The following TAX1BP1 variants were observed in gnomAD, a reference collection of about 807,000 sequenced individuals.
The protein encoded by TAX1BP1 is Tax1 binding protein 1.
In TAX1BP1, 62 loss-of-function variants were observed where a neutral mutation model predicts 97.7. That is an observed-to-expected ratio of 0.63 (90% CI 0.52 to 0.78). The LOEUF is 0.78. Ranked by LOEUF, TAX1BP1 falls within the 30% of genes least tolerant of loss-of-function variation. The pLI, the probability that TAX1BP1 is intolerant of heterozygous loss-of-function variation, is 0.00. For synonymous variants in TAX1BP1, 340 were observed against 304.2 expected (o/e 1.12, Z -1.23); for missense variants, 867 against 916.1 (o/e 0.95, Z 0.69).
intron 12 of TAX1BP1, among the ~76,000 whole-genome samples, chr7:27,799,516 T>C (rs752967581): frequency 3.9e-5 from 6 of 152,166 alleles, no homozygotes; most frequent in Non-Finnish European, 5.9e-5. Context: ...TTGTGAAATG[T>C]TGTAGTGTTC....
chr7:27,808,011 T>A lies in TAX1BP1; in HGVS notation c.1764+7921T>A, dbSNP rs550558864. Among the ~76,000 whole-genome samples the A allele has an allele frequency of 2.9e-4, 44 of 152,294 alleles. No individual in the cohort carries two copies. In the East Asian group the frequency reaches 7.9e-3, roughly 27 times the overall value. On this transcript the variant is annotated intron_variant, in intron 13 of 16. Transcript: ENST00000396319. ...TCTTTCATTATTCTTTGAGCACTTA[T>A]TACTTTCTGGTGCAGAAGGATGTTC...
At chr7:27,749,371 C>T (rs73684045) in intron 2 of TAX1BP1, among the ~76,000 whole-genome samples, 3,713 of 152,264 alleles carry the variant, frequency 0.024, 73 homozygotes, top group East Asian at 0.081. Flanking sequence ...AATAATGTCA[C>T]GAATGTCCAA....
intron 5 of TAX1BP1, among the ~76,000 whole-genome samples, chr7:27,784,575 A>G (rs367956510): frequency 1.3e-5 from 2 of 152,260 alleles, no homozygotes; most frequent in African/African-American, 4.8e-5. Flanking sequence ...GTGTCGTGTA[A>G]GACTTGATAT....
intron 5 of TAX1BP1, 145 bp downstream of exon 5, chr7:27,769,979 C>A (rs1366275106): frequency 5.8e-6 from 4 of 692,676 alleles, no homozygotes; most frequent in South Asian, 3.8e-5. Flanking sequence ...AAGAACAGGT[C>A]AGTTCCTATT....
At position 27,788,238 on chromosome 7, in the gene TAX1BP1, C is replaced by T. The variant is rs137865544; in HGVS notation, c.1038+635C>T. Among the ~76,000 whole-genome samples the T allele has an allele frequency of 1.6e-3, 239 of 152,120 alleles. 1 individual carries two copies. Among genetic ancestry groups the T allele is most frequent in the Middle Eastern group, 0.014 (4 of 294 alleles). ...AGAAAAGACATAGATGATGTTTTGT[C>T]CATCCTGTTGGAGTCATATCAAAAG... On this transcript the variant is annotated intron_variant, in intron 8 of 16. Transcript: ENST00000396319.
At chr7:27,740,585 T>C (rs1366302817) in intron 1 of TAX1BP1, among the ~76,000 whole-genome samples, 1 of 152,048 alleles carries the variant, frequency 6.6e-6, no homozygotes, top group Non-Finnish European at 1.5e-5. Context: ...GGGGGCCCTT[T>C]GGCTGGGGAC....
In TAX1BP1 at chr7:27,817,001, G is replaced by T; in HGVS notation, c.2048G>T (p.Ser683Ile). The stretch of plus-strand genomic sequence containing the variant: ...TGCAGCCAGCCTGCTCGAAACTTTA[G>T]TCGGCCTGATGGCTTAGAGGACTCT... The part of the protein sequence containing the change: ...VVCSQPARNF[S>I]RPDGLEDSED... Residue 683 changes from serine (S) to isoleucine (I), a missense_variant, in exon 15 of 17, where the codon AGT (serine) becomes ATT (isoleucine). Ser to Ile is a moderately radical substitution (Grantham distance 142). Coordinates refer to ENST00000396319, the MANE Select transcript of TAX1BP1 (RefSeq NM_006024.7). The T allele has an allele frequency of 6.2e-7, 1 of 1,614,072 alleles. No homozygotes were observed. The highest frequency in any genetic ancestry group is 1.1e-5 in the South Asian group (1 of 91,082).
At chr7:27,791,142 A>T (rs1269111422) in intron 8 of TAX1BP1, among the ~76,000 whole-genome samples, 1 of 151,958 alleles carries the variant, frequency 6.6e-6, no homozygotes, top group African/African-American at 2.4e-5. Flanking sequence ...TTATAGGTAG[A>T]TCTATTAGTG....
At chr7:27,779,602 G>A (rs1056933757) in intron 5 of TAX1BP1, among the ~76,000 whole-genome samples, 3 of 152,076 alleles carry the variant, frequency 2.0e-5, no homozygotes, top group Non-Finnish European at 4.4e-5. Flanking sequence ...TGTCTTAATG[G>A]CAGTGTATCA....
At chr7:27,818,391 T>C (rs1029632300) in intron 15 of TAX1BP1, among the ~76,000 whole-genome samples, 2 of 152,194 alleles carry the variant, frequency 1.3e-5, no homozygotes, top group African/African-American at 4.8e-5. Context: ...AAAAAATTCT[T>C]GTTGTTACAA....
At position 27,823,856 on chromosome 7, in the gene TAX1BP1, T is replaced by C. The variant is rs1157811957; in HGVS notation, c.2086-3882T>C. On this transcript the variant is annotated intron_variant, in intron 15 of 16. Coordinates refer to ENST00000396319, the MANE Select transcript of TAX1BP1 (RefSeq NM_006024.7). Reference sequence around the variant, plus strand: ...GGTACCTTATGTAAGTGGAATCATATAGTATTTGTCTTTTTGCGAGTGGCT... The same window carrying C: ...GGTACCTTATGTAAGTGGAATCATACAGTATTTGTCTTTTTGCGAGTGGCT... Among the ~76,000 whole-genome samples the C allele has an allele frequency of 2.0e-5, 3 of 152,144 alleles. No homozygotes were observed. In the South Asian group the frequency reaches 6.2e-4, roughly 32 times the overall value.
chr7:27,792,248 T>G lies in TAX1BP1; in HGVS notation c.1263+18T>G, dbSNP rs187139315. ...AAGATCAGGTAAAACAAGTTAATTT[T>G]GAATTTGCATTTTGATTTAAGAAAC... On this transcript the variant is annotated intron_variant, in intron 9 of 16. Coordinates refer to ENST00000396319, the MANE Select transcript of TAX1BP1 (RefSeq NM_006024.7). The G allele has an allele frequency of 2.3e-4, 363 of 1,571,514 alleles. No homozygotes were observed. The highest frequency in any genetic ancestry group is 3.0e-4 in the Non-Finnish European group (347 of 1,155,952).
chr7:27,814,969 C>G (rs894234851), intron 13 of TAX1BP1, among the ~76,000 whole-genome samples: 4 of 152,132 alleles, frequency 2.6e-5, no homozygotes, highest in Admixed American at 1.3e-4. Flanking sequence ...GATCTCCTGA[C>G]CTTGTGATCC....
chr7:27,808,184 G>C (rs1790414203), intron 13 of TAX1BP1, among the ~76,000 whole-genome samples: 1 of 152,078 alleles, frequency 6.6e-6, no homozygotes, highest in Non-Finnish European at 1.5e-5. Flanking sequence ...AGCAGACAGA[G>C]CTGGAAAATA....
intron 1 of TAX1BP1, among the ~76,000 whole-genome samples, chr7:27,744,251 G>C (rs988971778): frequency 2.0e-5 from 3 of 152,144 alleles, no homozygotes; most frequent in African/African-American, 4.8e-5. Flanking sequence ...TCAGCCTCCC[G>C]AGTAGCTGGG....
At chr7:27,781,497 T>C (rs1789257809) in intron 5 of TAX1BP1, among the ~76,000 whole-genome samples, 1 of 152,150 alleles carries the variant, frequency 6.6e-6, no homozygotes, top group African/African-American at 2.4e-5. Context: ...TATCTAGATA[T>C]CTTAGAAAAG....
intron 16 of TAX1BP1, 57 bp downstream of exon 16, chr7:27,827,877 G>T: frequency 6.6e-7 from 1 of 1,508,098 alleles, no homozygotes; most frequent in Non-Finnish European, 9.2e-7. Context: ...GGTTCTCAAA[G>T]GTGGTCCTTG....
chr7:27,792,100 G>C lies in TAX1BP1; in HGVS notation c.1133G>C (p.Ser378Thr), dbSNP rs770864943. The C allele has an allele frequency of 1.9e-6, 3 of 1,614,062 alleles. No homozygotes were observed. The highest frequency in any genetic ancestry group is 2.5e-6 in the Non-Finnish European group (3 of 1,180,024). Reference protein sequence around the residue: ...QEVVFLAKELSDAVNVRDRTM... With the variant: ...QEVVFLAKELTDAVNVRDRTM... ...GTTGTCTTTCTGGCTAAAGAACTCA[G>C]TGATGCTGTCAACGTACGAGACAGA... is the stretch of plus-strand genomic sequence containing the variant. The change falls in exon 9 of 17, where the codon AGT (serine) becomes ACT (threonine). Residue 378 changes from serine (S) to threonine (T), a missense_variant. By Grantham distance (58) the Ser-to-Thr change is moderately conservative (BLOSUM62 1). Transcript: ENST00000396319.
intron 8 of TAX1BP1, among the ~76,000 whole-genome samples, chr7:27,788,379 T>C (rs1207822922): frequency 6.6e-6 from 1 of 152,098 alleles, no homozygotes; most frequent in African/African-American, 2.4e-5. Flanking sequence ...TTTGTGATTA[T>C]TAAGCAATCT....
Sources: allele counts gnomAD v4.1 joint callset (sites outside exome capture counted in the v4.1 genomes callset), GRCh38; gene constraint gnomAD v4.1.1; transcripts MANE v1.5; gene names NCBI Gene and HGNC (gene_info 2026-07-23, HGNC 2026-07-21).